Variants in BCAS3 observed in about 807,000 individuals in gnomAD.
BCAS3 encodes BCAS3 microtubule associated cell migration factor, also known as BCAS4/BCAS3 fusion.
Under a neutral mutation model 116.1 loss-of-function variants are expected in BCAS3, and 53 were observed. That is an observed-to-expected ratio of 0.46 (90% confidence interval 0.37 to 0.57). The LOEUF is 0.57. Ranked by LOEUF, BCAS3 falls within the 20% of genes least tolerant of loss-of-function variation. The pLI, the probability that BCAS3 is intolerant of heterozygous loss-of-function variation, is 0.00. For missense variants in BCAS3, 917 were observed against 1,165.4 expected (o/e 0.79, Z 3.10); for synonymous variants, 391 against 408.2 (o/e 0.96, Z 0.51).
chr17:60,895,471 A>G (rs1171613173), intron 10 of BCAS3, among the ~76,000 whole-genome samples: 1 of 151,580 alleles, frequency 6.6e-6, no homozygotes, highest in Non-Finnish European at 1.5e-5. Flanking sequence ...GCTAGTGTTT[A>G]TCAATTTTGT....
intron 22 of BCAS3, among the ~76,000 whole-genome samples, chr17:61,247,060 G>A (rs1309490060): frequency 6.6e-6 from 1 of 152,044 alleles, no homozygotes; most frequent in Non-Finnish European, 1.5e-5. Flanking sequence ...TAAGTACAGT[G>A]TATATTAATT....
chr17:60,983,698 G>C (rs2062954111), intron 14 of BCAS3, among the ~76,000 whole-genome samples: 2 of 152,172 alleles, frequency 1.3e-5, no homozygotes, highest in Middle Eastern at 3.4e-3. Flanking sequence ...ACCAGGAAGT[G>C]GTCTTGATTA....
chr17:61,226,296 T>C lies in BCAS3; in HGVS notation c.2425+141732T>C, dbSNP rs954065223. On this transcript the variant is annotated intron_variant, in intron 22 of 23. Coordinates refer to ENST00000407086, the MANE Select transcript of BCAS3 (RefSeq NM_017679.5). This position sits in a 1 kb window ranked among gnomAD's most constrained non-coding sequence, Gnocchi z 6.0. ...TAAAAAATTCAGGAAATAATTGTTT[T>C]GTGATACCTAATTTTCAGGTAAGCC... Among the ~76,000 whole-genome samples, 1 of 152,266 alleles carries C rather than the reference T, an allele frequency of 6.6e-6. No homozygotes were observed. Among genetic ancestry groups the C allele is most frequent in the East Asian group, 1.9e-4 (1 of 5,204 alleles).
chr17:60,806,303 T>C (rs191783055), intron 6 of BCAS3, among the ~76,000 whole-genome samples: 75 of 152,370 alleles, frequency 4.9e-4, no homozygotes, highest in Non-Finnish European at 9.0e-4. Flanking sequence ...TTCACATCTC[T>C]GGTGATTAAA....
At chr17:61,076,086 C>G (rs1568297380) in intron 20 of BCAS3, among the ~76,000 whole-genome samples, 1 of 152,136 alleles carries the variant, frequency 6.6e-6, no homozygotes, top group Non-Finnish European at 1.5e-5. Context: ...CCATCCCTCC[C>G]CTTGCCAGGT....
chr17:61,375,717 C>T (rs1198322851), intron 23 of BCAS3, among the ~76,000 whole-genome samples: 1 of 152,056 alleles, frequency 6.6e-6, no homozygotes, highest in Non-Finnish European at 1.5e-5. Flanking sequence ...GGATTACAGG[C>T]ATGCGCCACC....
chr17:61,322,838 GAGAGAGAGAGAGAGAGAC>G (rs1568850727), intron 22 of BCAS3, among the ~76,000 whole-genome samples: 24 of 139,172 alleles, frequency 1.7e-4, no homozygotes, highest in African/African-American at 7.2e-4. Context: ...GACAGAGAGA[GAGAGAGAGAGAGAGAGAC>G]AGAGAGAGAG....
chr17:60,718,922 C>T (rs1203523232), intron 5 of BCAS3, among the ~76,000 whole-genome samples: 1 of 152,038 alleles, frequency 6.6e-6, no homozygotes, highest in Non-Finnish European at 1.5e-5. Flanking sequence ...ATTAGCCAGG[C>T]ATGGTGACAG....
intron 6 of BCAS3, among the ~76,000 whole-genome samples, chr17:60,768,132 G>A (rs1225146566): frequency 1.3e-5 from 2 of 152,208 alleles, no homozygotes; most frequent in East Asian, 3.9e-4. Flanking sequence ...GATTTTAGGT[G>A]CATATATTAG....
intron 7 of BCAS3, among the ~76,000 whole-genome samples, chr17:60,820,949 A>G (rs1330114868): frequency 6.6e-6 from 1 of 152,176 alleles, no homozygotes; most frequent in Non-Finnish European, 1.5e-5. Context: ...TATTAATAAA[A>G]CTAACTTTTT....
intron 22 of BCAS3, among the ~76,000 whole-genome samples, chr17:61,216,692 C>T (rs982755770): frequency 4.0e-5 from 6 of 150,794 alleles, no homozygotes; most frequent in Non-Finnish European, 7.4e-5. Flanking sequence ...TACAGGCACC[C>T]GCCACCACGC....
intron 19 of BCAS3, among the ~76,000 whole-genome samples, chr17:61,042,501 A>G (rs2067592813): frequency 6.6e-6 from 1 of 151,980 alleles, no homozygotes; most frequent in African/African-American, 2.4e-5. Context: ...AAAAATCCCC[A>G]GGTGCATAAT....
intron 7 of BCAS3, among the ~76,000 whole-genome samples, chr17:60,845,790 T>C (rs934927430): frequency 5.3e-5 from 8 of 151,564 alleles, no homozygotes; most frequent in Non-Finnish European, 7.4e-5. Flanking sequence ...TTTTCCTTTT[T>C]TTTTTTTTCT....
chr17:60,971,932 G>A (rs2061986645), intron 14 of BCAS3, among the ~76,000 whole-genome samples: 1 of 152,170 alleles, frequency 6.6e-6, no homozygotes, highest in Admixed American at 6.5e-5. Context: ...TTCTAAAAAA[G>A]GGAGTGTACT....
chr17:60,679,586 C>G (rs1206726310), intron 2 of BCAS3, 46 bp downstream of exon 2: 79 of 1,449,610 alleles, frequency 5.4e-5, no homozygotes, highest in Non-Finnish European at 7.5e-5. Flanking sequence ...AAAGATTACT[C>G]AGAATACTAA....
chr17:61,072,587 A>G (rs888435411), intron 19 of BCAS3, among the ~76,000 whole-genome samples: 4 of 151,584 alleles, frequency 2.6e-5, no homozygotes, highest in African/African-American at 9.7e-5. Context: ...AATTCACATT[A>G]GGTACTAGCT....
At chr17:60,698,006 C>A (rs2035843439) in intron 4 of BCAS3, among the ~76,000 whole-genome samples, 1 of 151,710 alleles carries the variant, frequency 6.6e-6, no homozygotes, top group African/African-American at 2.4e-5. Flanking sequence ...GGTAAAACCC[C>A]GTCTCTACTA....
Position 61,037,993 on chromosome 17 carries a change from A to G in BCAS3, c.1867A>G (p.Ile623Val). ...EPRPLSTAPK[I>V]SDDTPLEMMT... ...GCGACCCCTCAGCACTGCACCCAAG[A>G]TTAGTGACGACACACCACTGGAAAT... The change falls in exon 18 of 24, where the codon ATT becomes GTT. Residue 623 changes from isoleucine to valine, a missense_variant. Around this residue, in one of 3 missense-constraint regions of BCAS3, gnomAD observed 807 missense variants for 1,026.0 expected, o/e 0.79. Transcript: ENST00000407086. The surrounding 1 kb of genome is among the most constrained non-coding windows in gnomAD (Gnocchi z 4.7). The G allele has an allele frequency of 1.2e-6, 2 of 1,614,150 alleles. No individual in the cohort carries two copies. Among genetic ancestry groups the G allele is most frequent in the South Asian group, 2.2e-5 (2 of 91,082 alleles).
chr17:61,263,186 A>G (rs1195448819), intron 22 of BCAS3, among the ~76,000 whole-genome samples: 1 of 152,212 alleles, frequency 6.6e-6, no homozygotes, highest in Non-Finnish European at 1.5e-5. Flanking sequence ...GCTTAAGGAA[A>G]CCAAGAAACC....
Sources: gnomAD v4.1 joint callset for allele counts (sites outside exome capture counted in the v4.1 genomes callset) on GRCh38, gnomAD v4.1.1 for gene constraint, gnomAD v4.1.1 regional missense constraint, Gnocchi (gnomAD v3.1) non-coding constraint, MANE v1.5 for transcripts, NCBI Gene and HGNC (gene_info 2026-07-23, HGNC 2026-07-21) for gene names.